Variants in MYOM1 observed in about 807,000 individuals in gnomAD.
MYOM1 encodes the protein myomesin-1.
A neutral mutation model predicts 205.3 loss-of-function variants in MYOM1; 164 were observed. That is an observed-to-expected ratio of 0.80 (90% CI 0.70 to 0.91). MYOM1 has a LOEUF of 0.91. Among genes scored for constraint, MYOM1 ranks in the 40% least tolerant of loss-of-function variants. MYOM1 has a pLI of 0.00. For synonymous variants in MYOM1, 772 were observed against 789.4 expected (o/e 0.98, Z 0.37); for missense variants, 2,011 against 2,127.3 (o/e 0.95, Z 1.08).
intron 1 of MYOM1, among the ~76,000 whole-genome samples, chr18:3,215,659 G>A (rs1462401765): frequency 2.0e-5 from 3 of 151,772 alleles, no homozygotes; most frequent in Non-Finnish European, 2.9e-5. Flanking sequence ...AACCAAAAAG[G>A]GTATGAAGTT....
At chr18:3,231,990 A>G in the MYOM1 span, among the ~76,000 whole-genome samples, 1 of 151,160 alleles carries the variant, frequency 6.6e-6, no homozygotes, top group Admixed American at 6.6e-5. Context: ...AAAAGTTTCC[A>G]TTTCAGTTAT....
At chr18:3,067,588 T>C in intron 37 of MYOM1, 33 bp from the exon 38 acceptor site, 2 of 1,595,006 alleles carry the variant, frequency 1.3e-6, no homozygotes, top group Non-Finnish European at 1.7e-6. Flanking sequence ...GAGAAGAAGA[T>C]AAATTAGATG....
At chr18:3,238,546 A>C in the MYOM1 span, among the ~76,000 whole-genome samples, 1 of 152,184 alleles carries the variant, frequency 6.6e-6, no homozygotes, top group Non-Finnish European at 1.5e-5. Flanking sequence ...GTTTTCTATA[A>C]GGGAGCAAGA....
At chr18:3,109,353 T>C (rs981634925) in intron 22 of MYOM1, among the ~76,000 whole-genome samples, 3 of 152,208 alleles carry the variant, frequency 2.0e-5, no homozygotes, top group South Asian at 2.1e-4. Context: ...CAATTAATTA[T>C]GGTTGAACTC....
intron 22 of MYOM1, among the ~76,000 whole-genome samples, chr18:3,108,794 C>T (rs1437987115): frequency 6.6e-6 from 1 of 151,970 alleles, no homozygotes; most frequent in Non-Finnish European, 1.5e-5. Context: ...CTGTCTTGGC[C>T]TCCCAAAGTG....
intron 6 of MYOM1, among the ~76,000 whole-genome samples, chr18:3,174,901 T>A (rs2080614597): frequency 6.6e-6 from 1 of 152,194 alleles, no homozygotes; most frequent in African/African-American, 2.4e-5. Flanking sequence ...AAACTGGAAT[T>A]CTTATAAAAA....
chr18:3,148,710 G>T (rs533762093), intron 13 of MYOM1, among the ~76,000 whole-genome samples: 3,530 of 151,328 alleles, frequency 0.023, 127 homozygotes, highest in African/African-American at 0.079. Flanking sequence ...GCCAGGCGTA[G>T]TGGCGGGCGC....
At chr18:3,188,235 G>C (rs2080849528) in intron 4 of MYOM1, among the ~76,000 whole-genome samples, 1 of 152,032 alleles carries the variant, frequency 6.6e-6, no homozygotes, top group Non-Finnish European at 1.5e-5. Context: ...ACTATTGTTT[G>C]CTTTCTTTGA....
At chr18:3,221,280 A>G (rs1170742081), upstream of MYOM1, among the ~76,000 whole-genome samples, 3 of 152,154 alleles carry the variant, frequency 2.0e-5, no homozygotes, top group Non-Finnish European at 4.4e-5. Context: ...TCAGTCTCAC[A>G]AAGTGCTGGA....
chr18:3,227,087 A>AT, the MYOM1 span, among the ~76,000 whole-genome samples: 2 of 152,070 alleles, frequency 1.3e-5, no homozygotes, highest in South Asian at 2.1e-4. Flanking sequence ...ATTTTCTAAC[A>AT]TTTTTTGTCT....
Position 3,067,232 on chromosome 18 carries a change from C to T in MYOM1, c.*30G>A. Reference sequence around the variant, plus strand: ...CCAAACCATTCACACCCAAGTCACACAGGCCGGCTGGCTCTCCTCGCACCT... The same window carrying T: ...CCAAACCATTCACACCCAAGTCACATAGGCCGGCTGGCTCTCCTCGCACCT... On this transcript the variant is annotated 3_prime_UTR_variant, in exon 38 of 38. Coordinates refer to ENST00000356443, the MANE Select transcript of MYOM1 (RefSeq NM_003803.4). 6.4e-7 allele frequency: 1 copy of T among 1,554,798 alleles called. No individual in the cohort carries two copies.
intron 18 of MYOM1, 149 bp from the exon 19 acceptor site, chr18:3,127,046 G>A: frequency 1.5e-6 from 1 of 645,530 alleles, no homozygotes. Context: ...TGAACTTGGT[G>A]AATGCAATGG....
chr18:3,200,505 T>G (rs1385546972), intron 2 of MYOM1, among the ~76,000 whole-genome samples: 3 of 152,100 alleles, frequency 2.0e-5, no homozygotes. Flanking sequence ...ATTACAACAG[T>G]GACTCAACAA....
intron 4 of MYOM1, 30 bp from the exon 5 acceptor site, chr18:3,187,667 T>G (rs1365280060): frequency 1.3e-6 from 2 of 1,546,002 alleles, no homozygotes; most frequent in African/African-American, 2.7e-5. Context: ...AACAAACATA[T>G]TACCAAAATA....
chr18:3,172,458 A>G (rs2080573662), intron 8 of MYOM1, among the ~76,000 whole-genome samples: 1 of 152,172 alleles, frequency 6.6e-6, no homozygotes, highest in Non-Finnish European at 1.5e-5. Flanking sequence ...GACGTGATCA[A>G]TAGGCCACTC....
chr18:3,186,858 G>A (rs1236713768), intron 5 of MYOM1, among the ~76,000 whole-genome samples: 4 of 139,772 alleles, frequency 2.9e-5, no homozygotes, highest in Non-Finnish European at 1.5e-5. Flanking sequence ...GAAAGGGAAA[G>A]GAAGGAAGGA....
intron 5 of MYOM1, among the ~76,000 whole-genome samples, chr18:3,183,607 G>A (rs2080770744): frequency 1.3e-5 from 2 of 152,118 alleles, no homozygotes; most frequent in South Asian, 4.1e-4. Flanking sequence ...TGCTATGAGT[G>A]GAGGCAGTGT....
At chr18:3,069,705 G>A (rs944522752) in intron 37 of MYOM1, among the ~76,000 whole-genome samples, 1 of 139,546 alleles carries the variant, frequency 7.2e-6, no homozygotes, top group East Asian at 2.1e-4. Context: ...ACAGTCTAGT[G>A]GTTAGGAAAA....
chr18:3,186,119 C>T (rs892534039), intron 5 of MYOM1, among the ~76,000 whole-genome samples: 1 of 152,016 alleles, frequency 6.6e-6, no homozygotes, highest in Non-Finnish European at 1.5e-5. Flanking sequence ...TTGCTTGAAC[C>T]CAGGAGGCAG....
Sources: allele counts gnomAD v4.1 joint callset (sites outside exome capture counted in the v4.1 genomes callset), GRCh38; gene constraint gnomAD v4.1.1; transcripts MANE v1.5; gene names NCBI Gene and HGNC (gene_info 2026-07-23, HGNC 2026-07-21).